The following GRIP1 variants were observed in gnomAD, a reference collection of about 807,000 sequenced individuals.
The protein encoded by GRIP1 is glutamate receptor interacting protein 1, also known as glutamate receptor-interacting protein 1.
Under a neutral mutation model 129.9 loss-of-function variants are expected in GRIP1, and 45 were observed. The observed-to-expected ratio is 0.35, with a 90% CI of 0.27 to 0.44. GRIP1 has a LOEUF of 0.44. Among genes scored for constraint, GRIP1 ranks in the 20% least tolerant of loss-of-function variants. The probability of loss-of-function intolerance (pLI) is 1.00; values close to 1 mark genes in which losing one functional copy is unlikely to be tolerated. For synonymous variants in GRIP1, 530 were observed against 520.8 expected, an observed-to-expected ratio of 1.02 and a Z score of -0.24; for missense variants, 1,196 against 1,396.8, an observed-to-expected ratio of 0.86 and a Z score of 2.29.
At chr12:66,669,583 G>C (rs1313422843) in intron 1 of GRIP1, among the ~76,000 whole-genome samples, 1 of 152,136 alleles carries the variant, frequency 6.6e-6, no homozygotes, top group South Asian at 2.1e-4. Context: ...AATGTAGAAA[G>C]CATAATGAAA....
intron 1 of GRIP1, among the ~76,000 whole-genome samples, chr12:66,703,670 G>A (rs1453215171): frequency 2.0e-5 from 3 of 152,104 alleles, no homozygotes; most frequent in Admixed American, 2.0e-4. Context: ...GGTGACTGGT[G>A]AAGGGTGGAA....
intron 1 of GRIP1, among the ~76,000 whole-genome samples, chr12:66,987,211 G>A (rs186639585): frequency 3.9e-5 from 6 of 152,288 alleles, no homozygotes; most frequent in Non-Finnish European, 8.8e-5. Flanking sequence ...CTACCAGAAT[G>A]TAAGTTCTGT....
chr12:66,914,053 T>C lies in GRIP1; in HGVS notation c.58+154997A>G, dbSNP rs189176049. Among the ~76,000 whole-genome samples the C allele has an allele frequency of 4.4e-3, 667 of 152,292 alleles. 3 individuals carry two copies. Among genetic ancestry groups the C allele is most frequent in the Non-Finnish European group, 6.7e-3 (456 of 68,010 alleles). On this transcript the variant is annotated intron_variant, in intron 1 of 1. Transcript: ENST00000643019. ...TATGAGATCAGAATTACGCTATCCC[T>C]GTTTAACCAATGAGGAATGCTCTAC...
chr12:66,791,043 A>G (rs771180357), intron 1 of GRIP1, among the ~76,000 whole-genome samples: 5 of 152,186 alleles, frequency 3.3e-5, no homozygotes, highest in Non-Finnish European at 5.9e-5. Context: ...GAAAGTCTTA[A>G]AGACCACTAA....
chr12:66,546,035 T>C (rs923619870), intron 2 of GRIP1, among the ~76,000 whole-genome samples: 2 of 152,054 alleles, frequency 1.3e-5, no homozygotes, highest in Admixed American at 1.3e-4. Flanking sequence ...GATATATAGG[T>C]TTAATGCAAA....
chr12:66,995,348 T>C (rs1195762487), intron 1 of GRIP1, among the ~76,000 whole-genome samples: 1 of 151,934 alleles, frequency 6.6e-6, no homozygotes, highest in Non-Finnish European at 1.5e-5. Context: ...ACAAATAAAA[T>C]GAACTTCATC....
At chr12:66,533,839 TTACA>T (rs1459462812) in intron 4 of GRIP1, among the ~76,000 whole-genome samples, 16 of 98,254 alleles carry the variant, frequency 1.6e-4, no homozygotes, top group African/African-American at 8.2e-4. Flanking sequence ...TTCTATCAGA[TTACA>T]CACACACACA....
In GRIP1 at chr12:66,901,396, G is replaced by A. The variant is rs180886275; in HGVS notation, c.58+167654C>T. Reference sequence around the variant, plus strand: ...ACAGGGCATACCACTCAATCACTCCGTGTGGACACATCTGGTGGAAAGGGA... The same window carrying A: ...ACAGGGCATACCACTCAATCACTCCATGTGGACACATCTGGTGGAAAGGGA... On this transcript the variant is annotated intron_variant, in intron 1 of 1. Transcript: ENST00000643019. 9.2e-5 allele frequency among the ~76,000 whole-genome samples: 14 copies of A among 152,328 alleles called. No homozygotes were observed. The East Asian group carries it at 2.1e-3, about 23-fold the overall frequency.
intron 1 of GRIP1, among the ~76,000 whole-genome samples, chr12:66,906,161 C>T (rs2040928851): frequency 6.6e-6 from 1 of 152,150 alleles, no homozygotes; most frequent in South Asian, 2.1e-4. Flanking sequence ...CCTGTAATCC[C>T]AGCACTTTGG....
At chr12:67,024,654 G>C (rs1394288798) in intron 1 of GRIP1, among the ~76,000 whole-genome samples, 1 of 152,106 alleles carries the variant, frequency 6.6e-6, no homozygotes, top group East Asian at 1.9e-4. Context: ...GATAGGAAAA[G>C]TATTACGACC....
At chr12:66,395,787 C>T (rs1301056123) in intron 16 of GRIP1, among the ~76,000 whole-genome samples, 1 of 152,196 alleles carries the variant, frequency 6.6e-6, no homozygotes, top group Admixed American at 6.5e-5. Context: ...ACATTAGCAG[C>T]TGAGAAGCTC....
intron 1 of GRIP1, among the ~76,000 whole-genome samples, chr12:67,008,848 C>A (rs2042665049): frequency 6.6e-6 from 1 of 151,976 alleles, no homozygotes; most frequent in South Asian, 2.1e-4. Context: ...TTTTAAAAAT[C>A]CATATGCTTT....
chr12:66,751,114 T>C (rs562064375), intron 1 of GRIP1, among the ~76,000 whole-genome samples: 3 of 152,314 alleles, frequency 2.0e-5, no homozygotes, highest in South Asian at 4.1e-4. Context: ...TGAGAAAGAA[T>C]TGTAAATGCA....
chr12:66,607,415 T>C (rs1042001820), intron 1 of GRIP1, among the ~76,000 whole-genome samples: 2 of 152,328 alleles, frequency 1.3e-5, no homozygotes, highest in South Asian at 4.1e-4. Flanking sequence ...CTTGTTCCTA[T>C]AAATGGTTTA....
chr12:66,870,490 A>G (rs1592917639), intron 1 of GRIP1, among the ~76,000 whole-genome samples: 1 of 152,172 alleles, frequency 6.6e-6, no homozygotes, highest in Non-Finnish European at 1.5e-5. Flanking sequence ...AAGAGAGAGA[A>G]TATCAATATA....
At chr12:66,772,364 G>C (rs2037846195) in intron 1 of GRIP1, among the ~76,000 whole-genome samples, 1 of 152,192 alleles carries the variant, frequency 6.6e-6, no homozygotes, top group Admixed American at 6.5e-5. Flanking sequence ...ATACTAAAAT[G>C]TAATCCCAAA....
intron 7 of GRIP1, among the ~76,000 whole-genome samples, chr12:66,475,966 A>G (rs1406553339): frequency 6.6e-6 from 1 of 152,238 alleles, no homozygotes; most frequent in Non-Finnish European, 1.5e-5. Flanking sequence ...GAACTAGAGA[A>G]GCAAGAGCAA....
chr12:66,407,384 A>T (rs1454121116), intron 15 of GRIP1: 15 of 152,384 alleles, frequency 9.8e-5, no homozygotes, highest in Admixed American at 9.8e-4. Context: ...ACCAAAAATC[A>T]GATGAGCAAT....
At chr12:66,857,385 T>A (rs950517690) in intron 1 of GRIP1, among the ~76,000 whole-genome samples, 22 of 152,188 alleles carry the variant, frequency 1.4e-4, no homozygotes, top group African/African-American at 4.8e-4. Context: ...ATTATTTTAA[T>A]ATAATTTTCA....
Sources: gnomAD v4.1 joint callset for allele counts (sites outside exome capture counted in the v4.1 genomes callset) on GRCh38, gnomAD v4.1.1 for gene constraint, MANE v1.5 for transcripts, NCBI Gene and HGNC (gene_info 2026-07-23, HGNC 2026-07-21) for gene names.